CDH23: variants seen among roughly 807,000 people sequenced by gnomAD.
CDH23 encodes the protein cadherin related 23.
In CDH23, 189 loss-of-function variants were observed where a neutral mutation model predicts 317.1. The observed-to-expected ratio is 0.60, with a 90% confidence interval of 0.53 to 0.67. The LOEUF (loss-of-function observed/expected upper bound fraction) is 0.67, where lower values mean the gene tolerates loss of function less well. Among genes scored for constraint, CDH23 ranks in the 30% least tolerant of loss-of-function variants. CDH23 has a pLI of 0.00. For synonymous variants in CDH23, 1,839 were observed against 1,876.8 expected (o/e 0.98, Z 0.52); for missense variants, 4,401 against 4,592.4 (o/e 0.96, Z 1.20).
intron 37 of CDH23, 140 bp downstream of exon 37, chr10:71,741,090 A>C: frequency 1.0e-6 from 1 of 956,314 alleles, no homozygotes; most frequent in Non-Finnish European, 1.7e-6. Context: ...GCTCATTCGT[A>C]GTGATAGCCC....
At chr10:71,602,120 G>A (rs1860263009) in intron 9 of CDH23, among the ~76,000 whole-genome samples, 2 of 152,154 alleles carry the variant, frequency 1.3e-5, no homozygotes, top group South Asian at 2.1e-4. Context: ...GAGTCCTGAC[G>A]GAGCACAATT....
chr10:71,558,564 C>G (rs560444225), intron 6 of CDH23, among the ~76,000 whole-genome samples: 1 of 152,170 alleles, frequency 6.6e-6, no homozygotes, highest in Admixed American at 6.5e-5. Context: ...TTCCTTTTTA[C>G]TGTTTTTTCC....
At chr10:71,806,579 ATTT>A (rs11323009) in intron 57 of CDH23, among the ~76,000 whole-genome samples, 21 of 130,596 alleles carry the variant, frequency 1.6e-4, no homozygotes, top group African/African-American at 3.1e-4. Context: ...ATCAGCTCTG[ATTT>A]TTTTTTTTTT....
At chr10:71,712,472 T>C (rs1303687462) in intron 27 of CDH23, 193 bp from the exon 28 acceptor site, 1 of 590,922 alleles carries the variant, frequency 1.7e-6, no homozygotes, top group Non-Finnish European at 3.0e-6. Context: ...GGCTGGCACA[T>C]GGTGTTATCT....
chr10:71,704,520 C>G (rs913125969), intron 24 of CDH23, among the ~76,000 whole-genome samples: 1 of 152,194 alleles, frequency 6.6e-6, no homozygotes, highest in Non-Finnish European at 1.5e-5. Flanking sequence ...GTGAATCCAG[C>G]CTTCTACGTG....
chr10:71,493,581 G>A (rs928287576), intron 3 of CDH23, among the ~76,000 whole-genome samples: 4 of 152,102 alleles, frequency 2.6e-5, no homozygotes, highest in African/African-American at 9.7e-5. Flanking sequence ...AGAGGCTCTC[G>A]GAATAAAGGG....
intron 18 of CDH23, among the ~76,000 whole-genome samples, chr10:71,683,249 C>A (rs1864728794): frequency 1.3e-5 from 2 of 152,242 alleles, no homozygotes; most frequent in Non-Finnish European, 2.9e-5. Flanking sequence ...CACCGCCTGC[C>A]CCCTCCCCAT....
chr10:71,550,939 C>T (rs1383289934), intron 6 of CDH23, among the ~76,000 whole-genome samples: 1 of 152,190 alleles, frequency 6.6e-6, no homozygotes, highest in Non-Finnish European at 1.5e-5. Context: ...CAGCCCCCAC[C>T]GGCTGCCTCC....
chr10:71,408,012 A>G (rs549815793), intron 1 of CDH23, among the ~76,000 whole-genome samples: 1 of 152,338 alleles, frequency 6.6e-6, no homozygotes, highest in African/African-American at 2.4e-5. Flanking sequence ...TGCAAATAGT[A>G]TGTGTCATTG....
intron 38 of CDH23, among the ~76,000 whole-genome samples, chr10:71,766,551 G>T (rs986432551): frequency 2.0e-5 from 3 of 152,182 alleles, no homozygotes; most frequent in Non-Finnish European, 4.4e-5. Flanking sequence ...CTGAGCCTCC[G>T]TTTCTTCATC....
intron 30 of CDH23, among the ~76,000 whole-genome samples, chr10:71,729,545 C>G (rs913639787): frequency 1.3e-5 from 2 of 152,192 alleles, no homozygotes; most frequent in Admixed American, 1.3e-4. Flanking sequence ...TTTCTGCTCA[C>G]TGGGCTGGTT....
intron 3 of CDH23, among the ~76,000 whole-genome samples, chr10:71,490,790 A>G (rs1852611902): frequency 6.6e-6 from 1 of 152,242 alleles, no homozygotes; most frequent in South Asian, 2.1e-4. Flanking sequence ...AAGCTTGTGT[A>G]GTAGATACTG....
chr10:71,514,073 C>A (rs1021205583), intron 6 of CDH23, among the ~76,000 whole-genome samples: 1 of 151,932 alleles, frequency 6.6e-6, no homozygotes, highest in African/African-American at 2.4e-5. Context: ...CAGTCTATGC[C>A]CCTGCCTTGC....
intron 6 of CDH23, among the ~76,000 whole-genome samples, chr10:71,543,994 C>T (rs1589188577): frequency 1.3e-5 from 2 of 152,324 alleles, no homozygotes; most frequent in East Asian, 3.9e-4. Flanking sequence ...CAAGAGCAGG[C>T]TGTATTTTCC....
intron 9 of CDH23, among the ~76,000 whole-genome samples, chr10:71,604,835 G>A (rs1860434342): frequency 6.6e-6 from 1 of 152,254 alleles, no homozygotes; most frequent in Non-Finnish European, 1.5e-5. Context: ...CCACTTGGAA[G>A]CAGAGACCTC....
At chr10:71,508,698 T>C (rs1285594061) in intron 3 of CDH23, among the ~76,000 whole-genome samples, 1 of 152,204 alleles carries the variant, frequency 6.6e-6, no homozygotes, top group Admixed American at 6.5e-5. Context: ...TGTCTCATTT[T>C]ATAGGGGAAA....
intron 17 of CDH23, among the ~76,000 whole-genome samples, chr10:71,680,475 C>T (rs4747183): frequency 0.033 from 5,075 of 152,206 alleles, 253 homozygotes; most frequent in East Asian, 0.2. Flanking sequence ...CTGACCAGCG[C>T]GGTGGCTCAC....
In CDH23 at chr10:71,442,605, C is replaced by T. The variant is rs190044435; in HGVS notation, c.67+2707C>T. 1.0e-3 allele frequency among the ~76,000 whole-genome samples: 154 copies of T among 152,286 alleles called. 1 individual carries two copies. The highest frequency in any genetic ancestry group is 3.5e-3 in the African/African-American group (147 of 41,554). On this transcript the variant is annotated intron_variant, in intron 2 of 69. Coordinates refer to ENST00000224721, the MANE Select transcript of CDH23 (RefSeq NM_022124.6). ...GCCTCCTGCCCTTCTCCCCTCTGGC[C>T]TCAATGTACTCTAGCAATTCTCCTT...
chr10:71,774,109 C>G (rs1357034512), intron 38 of CDH23, among the ~76,000 whole-genome samples: 1 of 151,920 alleles, frequency 6.6e-6, no homozygotes, highest in Admixed American at 6.6e-5. Flanking sequence ...CAGGACTACA[C>G]GCCAAGATCA....
Sources: allele counts gnomAD v4.1 joint callset (sites outside exome capture counted in the v4.1 genomes callset), GRCh38; gene constraint gnomAD v4.1.1; transcripts MANE v1.5; gene names NCBI Gene and HGNC (gene_info 2026-07-23, HGNC 2026-07-21).